The following RALGAPA1 variants were observed in gnomAD, a reference collection of about 807,000 sequenced individuals.
RALGAPA1 encodes Ral GTPase activating protein catalytic subunit alpha 1.
Under a neutral mutation model 269.6 loss-of-function variants are expected in RALGAPA1, and 52 were observed. The ratio of observed to expected loss-of-function variants is 0.19; its 90% confidence interval spans 0.15 to 0.24. The LOEUF (loss-of-function observed/expected upper bound fraction) is 0.24, where lower values mean the gene tolerates loss of function less well. Among genes scored for constraint, RALGAPA1 ranks in the 10% least tolerant of loss-of-function variants. The probability of loss-of-function intolerance (pLI) is 1.00; values close to 1 mark genes in which losing one functional copy is unlikely to be tolerated. For synonymous variants in RALGAPA1, 817 were observed against 1,008.3 expected (o/e 0.81, Z 3.60); for missense variants, 1,917 against 3,013.9 (o/e 0.64, Z 8.52).
Position 35,627,168 on chromosome 14 carries a change from A to C in RALGAPA1, c.6779T>G (p.Ile2260Arg). Residue 2260 changes from isoleucine to arginine, a missense_variant, in exon 34 of 42, where the codon ATA becomes AGA. Physicochemically the swap from Ile to Arg is moderately conservative, Grantham distance 97. Around this residue, in one of 11 missense-constraint regions of RALGAPA1, gnomAD observed 132 missense variants for 271.2 expected, o/e 0.49. Transcript: ENST00000680220. ...AAATGCTGACTGAGGTTTTTGAGGT[A>C]TTGGTTCATCTTGTTCCACAGCTTT... ...NMKAVEQDEP[I>R]PQKPQSAFYY... The C allele has an allele frequency of 6.3e-7, 1 of 1,578,620 alleles. No individual in the cohort carries two copies. Among genetic ancestry groups the C allele is most frequent in the Non-Finnish European group, 8.6e-7 (1 of 1,168,754 alleles).
At chr14:35,740,604 C>T (rs1302780763) in intron 11 of RALGAPA1, among the ~76,000 whole-genome samples, 2 of 152,208 alleles carry the variant, frequency 1.3e-5, no homozygotes, top group East Asian at 3.9e-4. Context: ...CTCAGGAGTT[C>T]AAGACCAGCT....
intron 18 of RALGAPA1, 115 bp downstream of exon 18, chr14:35,688,344 G>C: frequency 8.5e-7 from 1 of 1,182,286 alleles, no homozygotes. Flanking sequence ...ACCAAACAGA[G>C]AGAAAGCAGT....
intron 31 of RALGAPA1, among the ~76,000 whole-genome samples, chr14:35,647,091 T>C (rs755709219): frequency 3.7e-4 from 56 of 152,216 alleles, no homozygotes; most frequent in Non-Finnish European, 7.6e-4. Flanking sequence ...TTTGTGACCT[T>C]GGGCAACTTA....
intron 16 of RALGAPA1, among the ~76,000 whole-genome samples, chr14:35,714,834 C>A (rs2068666907): frequency 6.6e-6 from 1 of 152,066 alleles, no homozygotes; most frequent in Non-Finnish European, 1.5e-5. Flanking sequence ...CTTTGTTTTA[C>A]CCTCCATTTG....
intron 35 of RALGAPA1, among the ~76,000 whole-genome samples, chr14:35,621,868 A>G (rs546429854): frequency 6.6e-6 from 1 of 152,272 alleles, no homozygotes; most frequent in African/African-American, 2.4e-5. Flanking sequence ...GAAACAACAG[A>G]TGCTGGAGAG....
At chr14:35,712,183 G>T (rs1222253117) in intron 16 of RALGAPA1, among the ~76,000 whole-genome samples, 14 of 148,554 alleles carry the variant, frequency 9.4e-5, no homozygotes, top group African/African-American at 3.3e-4. Context: ...GGAGGCGAAG[G>T]TTGCAATGAG....
chr14:35,635,696 G>A, intron 31 of RALGAPA1, 98 bp from the exon 32 acceptor site: 1 of 1,102,582 alleles, frequency 9.1e-7, no homozygotes, highest in Non-Finnish European at 1.2e-6. Flanking sequence ...ATTTGTTTCT[G>A]GAATCATCAA....
intron 4 of RALGAPA1, among the ~76,000 whole-genome samples, chr14:35,763,068 A>G (rs535307451): frequency 6.6e-6 from 1 of 152,332 alleles, no homozygotes; most frequent in East Asian, 1.9e-4. Context: ...TTTTATCACT[A>G]TCCAAATGAA....
At chr14:35,805,881 G>A (rs2077336266) in intron 1 of RALGAPA1, among the ~76,000 whole-genome samples, 1 of 151,654 alleles carries the variant, frequency 6.6e-6, no homozygotes. Flanking sequence ...GTAGAGACCC[G>A]GTTTCACTCT....
At chr14:35,758,497 A>G (rs1336039273) in intron 6 of RALGAPA1, among the ~76,000 whole-genome samples, 1 of 152,086 alleles carries the variant, frequency 6.6e-6, no homozygotes, top group African/African-American at 2.4e-5. Flanking sequence ...CAAAACTTCT[A>G]TTCTTAAAAA....
At chr14:35,761,617 A>C (rs1346801709) in intron 5 of RALGAPA1, among the ~76,000 whole-genome samples, 2 of 152,240 alleles carry the variant, frequency 1.3e-5, no homozygotes, top group African/African-American at 4.8e-5. Flanking sequence ...CTATTAAAGC[A>C]TCTAAAACAA....
chr14:35,540,364 A>G (rs1042336801), intron 41 of RALGAPA1, among the ~76,000 whole-genome samples: 1 of 152,220 alleles, frequency 6.6e-6, no homozygotes, highest in Non-Finnish European at 1.5e-5. Context: ...GACATAAACA[A>G]TGCTTTTGTT....
intron 7 of RALGAPA1, among the ~76,000 whole-genome samples, 171 bp from the exon 8 acceptor site, chr14:35,752,333 C>T (rs1477074134): frequency 1.3e-5 from 2 of 152,062 alleles, no homozygotes; most frequent in African/African-American, 4.8e-5. Context: ...TAATGTCAAA[C>T]AAGTACATTA....
At chr14:35,770,221 T>C (rs2074513710) in intron 4 of RALGAPA1, among the ~76,000 whole-genome samples, 1 of 152,102 alleles carries the variant, frequency 6.6e-6, no homozygotes, top group Admixed American at 6.5e-5. Context: ...CAAACTACAA[T>C]GCACATTTAT....
chr14:35,609,467 A>T (rs778960288), intron 35 of RALGAPA1, among the ~76,000 whole-genome samples: 1 of 152,218 alleles, frequency 6.6e-6, no homozygotes, highest in Non-Finnish European at 1.5e-5. Flanking sequence ...AAAAAATGAA[A>T]ATAAAAAGAG....
chr14:35,669,428 A>G (rs1028385191), intron 26 of RALGAPA1, among the ~76,000 whole-genome samples: 4 of 151,956 alleles, frequency 2.6e-5, no homozygotes, highest in Non-Finnish European at 4.4e-5. Context: ...CTAATTTTGT[A>G]TTTTTAGTAG....
intron 7 of RALGAPA1, among the ~76,000 whole-genome samples, chr14:35,753,221 C>G (rs1199041820): frequency 6.6e-6 from 1 of 152,176 alleles, no homozygotes; most frequent in African/African-American, 2.4e-5. Context: ...GGAACTTCCA[C>G]TAGACAAATT....
In RALGAPA1 at chr14:35,689,635, C is replaced by T; in HGVS notation, c.2776G>A (p.Glu926Lys). 7.9e-7 allele frequency: 1 copy of T among 1,267,192 alleles called. No individual in the cohort carries two copies. The highest frequency in any genetic ancestry group is 3.1e-5 in the East Asian group (1 of 31,988). The allele number at this position is 1,267,192 out of a possible 1,614,324, so 78.5% of individuals were successfully genotyped here. The stretch of plus-strand genomic sequence containing the variant: ...TCAAGGTCAATGTACTGGATTTGTT[C>T]AAAAGCTGAATCTGCAAGTTCTACT... ...GPVELADSAF[E>K]QIQYIDLEGD... Residue 926 changes from glutamate (E) to lysine (K), a missense_variant, in exon 18 of 42, where the codon GAA becomes AAA. By Grantham distance (56) the Glu-to-Lys change is moderately conservative. Around this residue, in one of 11 missense-constraint regions of RALGAPA1, gnomAD observed 615 missense variants for 790.0 expected, o/e 0.78. Transcript: ENST00000680220.
At chr14:35,642,270 T>G (rs909330347) in intron 31 of RALGAPA1, among the ~76,000 whole-genome samples, 32 of 152,146 alleles carry the variant, frequency 2.1e-4, no homozygotes, top group African/African-American at 7.7e-4. Flanking sequence ...AAAAAGATTC[T>G]GCACGGCAAA....
Sources: allele counts gnomAD v4.1 joint callset (sites outside exome capture counted in the v4.1 genomes callset), GRCh38; gene constraint gnomAD v4.1.1; regional missense constraint gnomAD v4.1.1; transcripts MANE v1.5; gene names NCBI Gene and HGNC (gene_info 2026-07-23, HGNC 2026-07-21).